Variants in DOCK1 observed in about 807,000 individuals in gnomAD.
The protein encoded by DOCK1 is dedicator of cytokinesis 1, also known as dedicator of cytokinesis protein 1.
Under a neutral mutation model 262.7 loss-of-function variants are expected in DOCK1, and 138 were observed. The observed-to-expected ratio is 0.53, with a 90% CI of 0.46 to 0.61. The LOEUF is 0.61. DOCK1 is among the 20% of genes least tolerant of loss of function. DOCK1 has a pLI of 0.00. For missense variants in DOCK1, 1,908 were observed against 2,370.7 expected, an observed-to-expected ratio of 0.80 and a Z score of 4.05; for synonymous variants, 866 against 867.4, an observed-to-expected ratio of 1.00 and a Z score of 0.03.
chr10:127,031,392 A>G (rs1002535283), intron 16 of DOCK1, among the ~76,000 whole-genome samples: 1 of 152,226 alleles, frequency 6.6e-6, no homozygotes, highest in African/African-American at 2.4e-5. Context: ...GTTCCAGGAA[A>G]AATCTCTTCT....
intron 46 of DOCK1, among the ~76,000 whole-genome samples, chr10:127,423,547 T>C (rs1195873464): frequency 6.6e-6 from 1 of 152,180 alleles, no homozygotes; most frequent in Non-Finnish European, 1.5e-5. Flanking sequence ...TCCATCTTTC[T>C]CCATACACAG....
At chr10:127,048,541 CAGAT>C (rs1034970134) in intron 21 of DOCK1, among the ~76,000 whole-genome samples, 5 of 151,970 alleles carry the variant, frequency 3.3e-5, no homozygotes, top group African/African-American at 1.2e-4. Context: ...TTTAAAAAAA[CAGAT>C]AGGGATTTTC....
intron 27 of DOCK1, among the ~76,000 whole-genome samples, chr10:127,216,784 C>CT (rs1226162735): frequency 6.6e-6 from 1 of 152,120 alleles, no homozygotes; most frequent in Non-Finnish European, 1.5e-5. Flanking sequence ...TGGTGAAGTT[C>CT]TGAAGTACTT....
chr10:127,440,014 G>A (rs2069989539), intron 49 of DOCK1, among the ~76,000 whole-genome samples: 1 of 152,148 alleles, frequency 6.6e-6, no homozygotes, highest in Non-Finnish European at 1.5e-5. Flanking sequence ...TTTATGAAGA[G>A]GTTGATTTGG....
intron 23 of DOCK1, among the ~76,000 whole-genome samples, chr10:127,103,124 T>C (rs975035080): frequency 1.3e-5 from 2 of 152,168 alleles, no homozygotes; most frequent in Non-Finnish European, 2.9e-5. Context: ...TAGGTAACAG[T>C]GGTTGGTGCT....
intron 35 of DOCK1, among the ~76,000 whole-genome samples, chr10:127,378,854 T>G (rs541460724): frequency 6.6e-6 from 1 of 152,244 alleles, no homozygotes; most frequent in African/African-American, 2.4e-5. Context: ...TCATATGAAC[T>G]GGAGGACAGT....
chr10:127,345,776 G>A (rs1379463524), intron 31 of DOCK1, among the ~76,000 whole-genome samples: 1 of 152,174 alleles, frequency 6.6e-6, no homozygotes, highest in Non-Finnish European at 1.5e-5. Flanking sequence ...GCATCTTCTG[G>A]AGACTGGCTC....
At chr10:126,926,819 T>G (rs1182661609) in intron 1 of DOCK1, among the ~76,000 whole-genome samples, 1 of 151,814 alleles carries the variant, frequency 6.6e-6, no homozygotes, top group Non-Finnish European at 1.5e-5. Context: ...AAGGAGGAAG[T>G]CTCCCCCAGA....
intron 27 of DOCK1, among the ~76,000 whole-genome samples, chr10:127,196,545 C>T (rs1380035745): frequency 6.8e-6 from 1 of 147,272 alleles, no homozygotes; most frequent in Non-Finnish European, 1.5e-5. Flanking sequence ...CCAAGCCGCG[C>T]GCCTGCCGCC....
At chr10:127,135,433 C>G (rs1356843543) in intron 27 of DOCK1, 2 of 152,580 alleles carry the variant, frequency 1.3e-5, no homozygotes, top group Non-Finnish European at 2.9e-5. Flanking sequence ...CATAAAACAT[C>G]TTTGATTTTT....
chr10:127,127,860 A>G (rs756659795), intron 27 of DOCK1, 96 bp downstream of exon 27: 8 of 1,014,124 alleles, frequency 7.9e-6, no homozygotes, highest in African/African-American at 1.5e-5. Context: ...ACTGCAATGT[A>G]GTGAGCAGTT....
At chr10:126,960,580 G>A (rs1221574085) in intron 1 of DOCK1, among the ~76,000 whole-genome samples, 1 of 151,252 alleles carries the variant, frequency 6.6e-6, no homozygotes, top group African/African-American at 2.4e-5. Flanking sequence ...GTGGACCAAG[G>A]CCTGAAGTTG....
chr10:127,031,312 C>G (rs558496735), intron 16 of DOCK1, among the ~76,000 whole-genome samples: 4 of 152,142 alleles, frequency 2.6e-5, no homozygotes, highest in African/African-American at 9.7e-5. Flanking sequence ...TCTAGTGTTG[C>G]GGGCTTTCCT....
intron 28 of DOCK1, among the ~76,000 whole-genome samples, chr10:127,250,055 G>A (rs1001400198): frequency 1.3e-5 from 2 of 152,028 alleles, no homozygotes; most frequent in Admixed American, 6.5e-5. Context: ...AACTACACCC[G>A]ACCCCCTGCT....
intron 4 of DOCK1, among the ~76,000 whole-genome samples, chr10:126,984,125 C>G (rs529846871): frequency 3.9e-5 from 6 of 152,128 alleles, no homozygotes; most frequent in Non-Finnish European, 8.8e-5. Context: ...TCTTTGTTGC[C>G]CCTCCCTGAT....
chr10:127,144,711 A>G (rs2051624520), intron 27 of DOCK1, among the ~76,000 whole-genome samples: 1 of 152,224 alleles, frequency 6.6e-6, no homozygotes, highest in African/African-American at 2.4e-5. Context: ...ATAGTTTAAA[A>G]TATCAGTGGT....
At chr10:127,277,416 A>C (rs2060781214) in intron 29 of DOCK1, among the ~76,000 whole-genome samples, 1 of 152,182 alleles carries the variant, frequency 6.6e-6, no homozygotes, top group Admixed American at 6.5e-5. Context: ...ATAGGTCTAT[A>C]GATGAGTGTT....
At chr10:127,362,933 A>ATCCCCACACACACACATGCACC (rs2064626064) in intron 33 of DOCK1, among the ~76,000 whole-genome samples, 1 of 71,774 alleles carries the variant, frequency 1.4e-5, no homozygotes, top group African/African-American at 7.2e-5. Flanking sequence ...ACACATGCAC[A>ATCCCCACACACACACATGCACC]TCCCCCCACA....
chr10:127,107,081 C>T (rs1176246747), intron 24 of DOCK1, among the ~76,000 whole-genome samples: 2 of 152,182 alleles, frequency 1.3e-5, no homozygotes, highest in South Asian at 2.1e-4. Context: ...CCTCTGCCTT[C>T]AAAGCACTGG....
Sources: allele counts gnomAD v4.1 joint callset (sites outside exome capture counted in the v4.1 genomes callset), GRCh38; gene constraint gnomAD v4.1.1; transcripts MANE v1.5; gene names NCBI Gene and HGNC (gene_info 2026-07-23, HGNC 2026-07-21).